The following MTA1 variants were observed in gnomAD, a reference collection of about 807,000 sequenced individuals.
MTA1 encodes the protein metastasis associated 1.
MTA1 carries 15 observed loss-of-function variants against 97.0 expected under a neutral mutation model. That is an observed-to-expected ratio of 0.15 (90% CI 0.10 to 0.24). MTA1 has a LOEUF of 0.24. Ranked by LOEUF, MTA1 falls within the 10% of genes least tolerant of loss-of-function variation. MTA1 has a pLI of 1.00. For synonymous variants in MTA1, 435 were observed against 417.5 expected, an observed-to-expected ratio of 1.04 and a Z score of -0.51; for missense variants, 709 against 1,015.1, an observed-to-expected ratio of 0.70 and a Z score of 4.10.
chr14:105,466,840 T>A, intron 18 of MTA1, 98 bp downstream of exon 18: 1 of 1,265,970 alleles, frequency 7.9e-7, no homozygotes, highest in Non-Finnish European at 1.1e-6. Context: ...CCAGGGCCCA[T>A]GCTTGGGGCA....
At chr14:105,469,811 G>A (rs782218485) in intron 19 of MTA1, 30 bp from the exon 20 acceptor site, 5 of 1,582,744 alleles carry the variant, frequency 3.2e-6, no homozygotes, top group Non-Finnish European at 4.3e-6. Flanking sequence ...GCCCTTGGCT[G>A]GCTGCCCAGG....
intron 1 of MTA1, among the ~76,000 whole-genome samples, chr14:105,432,037 T>G (rs2082191763): frequency 6.6e-6 from 1 of 152,120 alleles, no homozygotes; most frequent in African/African-American, 2.4e-5. Context: ...AAAAAAAACC[T>G]TTTTTAAAGA....
intron 10 of MTA1, among the ~76,000 whole-genome samples, chr14:105,461,457 C>A (rs1307159044): frequency 6.6e-6 from 1 of 152,174 alleles, no homozygotes; most frequent in African/African-American, 2.4e-5. Context: ...ACCCTCCAAC[C>A]GTCAGCCCTC....
chr14:105,466,947 G>C (rs181296654), intron 18 of MTA1: 23 of 596,594 alleles, frequency 3.9e-5, no homozygotes, highest in Non-Finnish European at 6.7e-5. Context: ...TCTGGCCCTC[G>C]GCCCCCTGGC....
In MTA1 at chr14:105,464,685, C is replaced by T; in HGVS notation, c.1356C>T (p.Gly452=). ...GCCCCCTTCCGCAGAGTCCCCACGG[C>T]CTCCCAGCCCGGAGCAGCGGGAGCC... The part of the protein sequence containing the change: ...GPNRSNMSPH[G]LPARSSGSPK... The change falls in exon 15 of 21, where the codon GGC becomes GGT. Residue 452 remains glycine (G), a synonymous_variant. Transcript: ENST00000331320. 1 of 1,603,076 alleles carries T rather than the reference C, an allele frequency of 6.2e-7. No individual in the cohort carries two copies. The highest frequency in any genetic ancestry group is 8.5e-7 in the Non-Finnish European group (1 of 1,172,968).
At chr14:105,468,309 C>T (rs1006981939) in intron 18 of MTA1, 28 of 1,304,194 alleles carry the variant, frequency 2.1e-5, no homozygotes, top group Non-Finnish European at 2.8e-5. Flanking sequence ...GCATGTGTTT[C>T]TTCCCTCTGC....
At chr14:105,429,553 G>A (rs587705024) in intron 1 of MTA1, among the ~76,000 whole-genome samples, 5 of 151,128 alleles carry the variant, frequency 3.3e-5, no homozygotes, top group South Asian at 2.1e-4. Flanking sequence ...CCAGGTTCAC[G>A]CCATTCTCTT....
At chr14:105,426,376 A>C (rs868935142) in intron 1 of MTA1, among the ~76,000 whole-genome samples, 38 of 8,950 alleles carry the variant, frequency 4.2e-3, no homozygotes, top group African/African-American at 6.9e-3. Flanking sequence ...TTCGTCTCAC[A>C]AAAAAAAAAA....
chr14:105,444,790 TAA>T lies in MTA1; in HGVS notation c.97-612_97-611del, dbSNP rs201104877. On this transcript the variant is annotated intron_variant, in intron 2 of 20. Coordinates refer to ENST00000331320, the MANE Select transcript of MTA1 (RefSeq NM_004689.4). ...TGGGCGACAGAGTGAGACCCCATCT[TAA>T]AAAAAAAAAAAAAAAGAGTTATAAA... Among the ~76,000 whole-genome samples the T allele has an allele frequency of 4.9e-4, 60 of 123,698 alleles. 1 individual carries two copies. Among genetic ancestry groups the T allele is most frequent in the African/African-American group, 6.7e-4 (20 of 29,648 alleles). The allele number at this position is 123,698 out of a possible 152,430, so 81.2% of individuals were successfully genotyped here.
At chr14:105,458,449 G>GTTA in intron 8 of MTA1, 77 bp downstream of exon 8, 1 of 1,346,088 alleles carries the variant, frequency 7.4e-7, no homozygotes, top group African/African-American at 1.4e-5. Context: ...GGTGGGTGTT[G>GTTA]GGGACGTGAC....
rs982309525 is a variant in MTA1 at position 105,424,909 on chromosome 14, G to A, written c.28+4846G>A. On this transcript the variant is annotated intron_variant, in intron 1 of 20. Transcript: ENST00000331320. This position sits in a 1 kb window ranked among gnomAD's most constrained non-coding sequence, Gnocchi z 4.0. Reference sequence around the variant, plus strand: ...CCAATGAAGCACATCCCTCGCGCCCGACCCGCCCTGGCAGTGCCGTTCCCG... The same window carrying A: ...CCAATGAAGCACATCCCTCGCGCCCAACCCGCCCTGGCAGTGCCGTTCCCG... Among the ~76,000 whole-genome samples the A allele has an allele frequency of 2.6e-5, 4 of 152,240 alleles. No individual in the cohort carries two copies. The highest frequency in any genetic ancestry group is 9.6e-5 in the African/African-American group (4 of 41,456).
At chr14:105,440,451 GC>G (rs782005117) in intron 2 of MTA1, among the ~76,000 whole-genome samples, 22 of 152,348 alleles carry the variant, frequency 1.4e-4, no homozygotes, top group Non-Finnish European at 2.8e-4. Context: ...GCCTCCGTGG[GC>G]GCCTGGCCGA....
intron 2 of MTA1, among the ~76,000 whole-genome samples, chr14:105,444,053 C>T (rs375335281): frequency 7.2e-6 from 1 of 139,042 alleles, no homozygotes; most frequent in South Asian, 2.3e-4. Flanking sequence ...GCACCACTGC[C>T]CTCCAGCCTG....
chr14:105,425,767 A>G (rs1414698188), intron 1 of MTA1, among the ~76,000 whole-genome samples: 3 of 149,348 alleles, frequency 2.0e-5, no homozygotes, highest in Non-Finnish European at 4.4e-5. Context: ...AGCCAAGCCC[A>G]GGGAGGCTGG....
rs186751628 is a variant in MTA1 at position 105,424,913 on chromosome 14, C to T, written c.28+4850C>T. Among the ~76,000 whole-genome samples the T allele has an allele frequency of 8.5e-5, 13 of 152,366 alleles. No individual in the cohort carries two copies. Among genetic ancestry groups the T allele is most frequent in the African/African-American group, 2.9e-4 (12 of 41,592 alleles). On this transcript the variant is annotated intron_variant, in intron 1 of 20. Coordinates refer to ENST00000331320, the MANE Select transcript of MTA1 (RefSeq NM_004689.4). The surrounding 1 kb of genome is among the most constrained non-coding windows in gnomAD (Gnocchi z 4.0). ...TGAAGCACATCCCTCGCGCCCGACC[C>T]GCCCTGGCAGTGCCGTTCCCGCCCG... is the stretch of plus-strand genomic sequence containing the variant.
At chr14:105,446,147 C>T (rs2082711121) in intron 3 of MTA1, among the ~76,000 whole-genome samples, 1 of 152,144 alleles carries the variant, frequency 6.6e-6, no homozygotes, top group Non-Finnish European at 1.5e-5. Flanking sequence ...GACTTCAGAG[C>T]CAGGAGCCAG....
chr14:105,464,877 A>G lies in MTA1; in HGVS notation c.1534+14A>G, dbSNP rs1555432211. ...TCAAGGCCGAGTGTGAGTCACCCCA[A>G]CGCCCCGCTTACTCTGTTCCTGCGG... is the stretch of plus-strand genomic sequence containing the variant. On this transcript the variant is annotated intron_variant, in intron 15 of 20. Coordinates refer to ENST00000331320, the MANE Select transcript of MTA1 (RefSeq NM_004689.4). The G allele has an allele frequency of 6.4e-6, 10 of 1,552,410 alleles. No homozygotes were observed. Among genetic ancestry groups the G allele is most frequent in the East Asian group, 2.3e-5 (1 of 44,046 alleles).
chr14:105,459,031 CCCCTGGT>C (rs1300149366), intron 8 of MTA1, among the ~76,000 whole-genome samples: 3 of 150,864 alleles, frequency 2.0e-5, no homozygotes, highest in Admixed American at 6.6e-5. Context: ...CTGCCCGTGG[CCCCTGGT>C]CCCTGGTCCC....
rs1214253394 is a variant in MTA1 at position 105,424,099 on chromosome 14, G to A, written c.28+4036G>A. Among the ~76,000 whole-genome samples the A allele has an allele frequency of 1.3e-5, 2 of 152,238 alleles. No individual in the cohort carries two copies. Among genetic ancestry groups the A allele is most frequent in the Admixed American group, 6.5e-5 (1 of 15,288 alleles). On this transcript the variant is annotated intron_variant, in intron 1 of 20. Transcript: ENST00000331320. The surrounding 1 kb of genome is among the most constrained non-coding windows in gnomAD (Gnocchi z 4.0). The stretch of plus-strand genomic sequence containing the variant: ...TGTCCCACTTGGCCTGTGAGGATCG[G>A]CCTCAGCACTGCGCCATTGGCAGCC...
Sources: gnomAD v4.1 joint callset for allele counts (sites outside exome capture counted in the v4.1 genomes callset) on GRCh38, gnomAD v4.1.1 for gene constraint, Gnocchi (gnomAD v3.1) non-coding constraint, MANE v1.5 for transcripts, NCBI Gene and HGNC (gene_info 2026-07-23, HGNC 2026-07-21) for gene names.